FANK1: variants seen among roughly 807,000 people sequenced by gnomAD.
FANK1 encodes the protein fibronectin type III and ankyrin repeat domains 1.
A neutral mutation model predicts 45.3 loss-of-function variants in FANK1; 44 were observed. The observed-to-expected ratio is 0.97, with a 90% CI of 0.76 to 1.25. The LOEUF (loss-of-function observed/expected upper bound fraction) is 1.25, where lower values mean the gene tolerates loss of function less well. Among genes scored for constraint, FANK1 ranks in the 50% most tolerant of loss-of-function variants. The pLI is 0.00. For missense variants in FANK1, 391 were observed against 424.4 expected (o/e 0.92, Z 0.69); for synonymous variants, 149 against 152.5 (o/e 0.98, Z 0.17).
intron 6 of FANK1, among the ~76,000 whole-genome samples, chr10:125,999,358 C>T (rs1039596928): frequency 2.0e-5 from 3 of 152,006 alleles, no homozygotes; most frequent in African/African-American, 4.8e-5. Flanking sequence ...CACCACCACA[C>T]CCGGCTAACT....
chr10:125,938,346 A>G (rs1948234887), intron 1 of FANK1, among the ~76,000 whole-genome samples: 3 of 152,238 alleles, frequency 2.0e-5, no homozygotes, highest in Admixed American at 6.5e-5. Context: ...ATGATTGCCC[A>G]GTAGGAATGA....
chr10:125,965,068 G>A (rs1950133127), intron 1 of FANK1, among the ~76,000 whole-genome samples: 1 of 152,176 alleles, frequency 6.6e-6, no homozygotes, highest in African/African-American at 2.4e-5. Context: ...TGAGGCAGGA[G>A]AATCATTTGA....
chr10:125,909,137 C>A (rs183581432), intron 1 of FANK1, among the ~76,000 whole-genome samples: 18 of 152,336 alleles, frequency 1.2e-4, no homozygotes, highest in Admixed American at 1.2e-3. Context: ...AATGTCCTTG[C>A]AGTATGGTAG....
At chr10:125,915,082 C>T (rs2134120502) in intron 1 of FANK1, among the ~76,000 whole-genome samples, 1 of 152,244 alleles carries the variant, frequency 6.6e-6, no homozygotes, top group Non-Finnish European at 1.5e-5. Flanking sequence ...AGGGATCCAG[C>T]TACAACTCCA....
At position 126,009,446 on chromosome 10, in the gene FANK1, A is replaced by G. The variant is rs770963361; in HGVS notation, c.*8A>G. On this transcript the variant is annotated 3_prime_UTR_variant, in exon 11 of 11. Coordinates refer to ENST00000368693, the MANE Select transcript of FANK1 (RefSeq NM_145235.5). ...AAGTCTTGTGTCTGCTGATGAGAGC[A>G]CCACTCATCTGCGAAACGCACGTAA... The G allele has an allele frequency of 6.2e-7, 1 of 1,612,858 alleles. No individual in the cohort carries two copies. Among genetic ancestry groups the G allele is most frequent in the Non-Finnish European group, 8.5e-7 (1 of 1,179,648 alleles).
chr10:125,972,180 C>T (rs1293515905), intron 1 of FANK1: 1 of 152,224 alleles, frequency 6.6e-6, no homozygotes, highest in East Asian at 1.9e-4. Context: ...AGCATCCACA[C>T]TAGTACATGA....
intron 1 of FANK1, among the ~76,000 whole-genome samples, chr10:125,945,026 T>C (rs1268764716): frequency 6.6e-6 from 1 of 152,228 alleles, no homozygotes; most frequent in Non-Finnish European, 1.5e-5. Flanking sequence ...TTCTTAGTAC[T>C]TCAGCATAAT....
chr10:125,982,771 T>C (rs985185558), intron 2 of FANK1, among the ~76,000 whole-genome samples: 1 of 152,182 alleles, frequency 6.6e-6, no homozygotes, highest in Admixed American at 6.5e-5. Flanking sequence ...GAGTTCTCCA[T>C]TTGTAGAATT....
intron 1 of FANK1, among the ~76,000 whole-genome samples, chr10:125,934,417 C>A (rs1159880891): frequency 1.3e-5 from 2 of 152,106 alleles, no homozygotes; most frequent in Non-Finnish European, 2.9e-5. Flanking sequence ...TGGCTGAGGG[C>A]TGAGCTGAGC....
chr10:125,934,967 C>A (rs1236781771), intron 1 of FANK1, among the ~76,000 whole-genome samples: 2 of 152,084 alleles, frequency 1.3e-5, no homozygotes, highest in Non-Finnish European at 2.9e-5. Flanking sequence ...GATGCTGTTT[C>A]TTCCCCAGGT....
At chr10:125,947,291 A>G (rs1948876117) in intron 1 of FANK1, among the ~76,000 whole-genome samples, 1 of 150,430 alleles carries the variant, frequency 6.6e-6, no homozygotes, top group African/African-American at 2.4e-5. Flanking sequence ...AATGGACTAA[A>G]TTCTCCAATT....
At position 125,988,626 on chromosome 10, in the gene FANK1, C is replaced by A. The variant is rs146424037; in HGVS notation, c.267C>A (p.Ser89Arg). The A allele has an allele frequency of 6.2e-7, 1 of 1,614,188 alleles. No individual in the cohort carries two copies. The highest frequency in any genetic ancestry group is 2.2e-5 in the East Asian group (1 of 44,882). Reference sequence around the variant, plus strand: ...ACAGATTTCGCCTGAAGGTCACCAGCCCCTCTGGGGAGTGTGAGTACAGCC... The same window carrying A: ...ACAGATTTCGCCTGAAGGTCACCAGACCCTCTGGGGAGTGTGAGTACAGCC... ...TLYRFRLKVT[S>R]PSGECEYSPL... The change falls in exon 3 of 11, where the codon AGC becomes AGA. Residue 89 changes from serine to arginine, a missense_variant. By Grantham distance (110) the Ser-to-Arg change is moderately radical. Transcript: ENST00000368693.
chr10:125,984,063 G>A (rs1331809742), intron 2 of FANK1, among the ~76,000 whole-genome samples: 2 of 152,192 alleles, frequency 1.3e-5, no homozygotes, highest in Non-Finnish European at 2.9e-5. Flanking sequence ...GATACGGGAT[G>A]TGAGAGAGAG....
chr10:125,898,006 A>AG (rs1944704719), intron 1 of FANK1, among the ~76,000 whole-genome samples: 1 of 91,874 alleles, frequency 1.1e-5, no homozygotes, highest in Non-Finnish European at 2.3e-5. Flanking sequence ...TACAAAAAAA[A>AG]AAAAAAAAAA....
chr10:125,919,037 ATAAATT>A (rs1321693830), intron 1 of FANK1, among the ~76,000 whole-genome samples: 2 of 151,966 alleles, frequency 1.3e-5, no homozygotes, highest in East Asian at 1.9e-4. Flanking sequence ...TGAGAATTCT[ATAAATT>A]TAAATTCAAG....
At position 125,948,876 on chromosome 10, in the gene FANK1, A is replaced by G. The variant is rs1949003376; in HGVS notation, c.14-31285A>G. ...TTGATGCAAAAATCCTCAATAAAAT[A>G]CTGGCAAAACGAATCCAGCAGCACA... On this transcript the variant is annotated intron_variant, in intron 1 of 10. Coordinates refer to ENST00000368693, the MANE Select transcript of FANK1 (RefSeq NM_145235.5). Among the ~76,000 whole-genome samples the G allele has an allele frequency of 2.7e-5, 4 of 149,122 alleles. No homozygotes were observed. The Admixed American group carries it at 2.7e-4, about 10-fold the overall frequency.
At chr10:125,943,064 G>A (rs1363826167) in intron 1 of FANK1, among the ~76,000 whole-genome samples, 2 of 151,950 alleles carry the variant, frequency 1.3e-5, no homozygotes, top group South Asian at 2.1e-4. Context: ...TGCCCACTGC[G>A]GCTTCCCAAA....
At chr10:125,918,156 G>C (rs1946610537) in intron 1 of FANK1, among the ~76,000 whole-genome samples, 1 of 152,306 alleles carries the variant, frequency 6.6e-6, no homozygotes. Context: ...TTGCTTACTG[G>C]GTACAGAGTT....
At chr10:125,938,229 T>C (rs7091242) in intron 1 of FANK1, among the ~76,000 whole-genome samples, 49,024 of 151,856 alleles carry the variant, frequency 0.32, 8,193 homozygotes, top group East Asian at 0.46. Context: ...TATGTAAATA[T>C]GGAAGGAAGA....
Sources: gnomAD v4.1 joint callset for allele counts (sites outside exome capture counted in the v4.1 genomes callset) on GRCh38, gnomAD v4.1.1 for gene constraint, MANE v1.5 for transcripts, NCBI Gene and HGNC (gene_info 2026-07-23, HGNC 2026-07-21) for gene names.